RPSA2: variants seen among roughly 807,000 people sequenced by gnomAD.
The protein encoded by RPSA2 is small ribosomal subunit protein uS2B.
At chr19:23,805,502 A>G in the RPSA2 span, among the ~76,000 whole-genome samples, 1 of 152,122 alleles carries the variant, frequency 6.6e-6, no homozygotes, top group African/African-American at 2.4e-5. Flanking sequence ...TCTGTTATAA[A>G]GGACAGAAAT....
the RPSA2 span, among the ~76,000 whole-genome samples, chr19:23,867,380 A>G: frequency 6.6e-6 from 1 of 152,216 alleles, no homozygotes; most frequent in African/African-American, 2.4e-5. Flanking sequence ...TATGGGGTCG[A>G]GACTTACTTA....
At chr19:23,855,723 C>T in the RPSA2 span, among the ~76,000 whole-genome samples, 1 of 152,050 alleles carries the variant, frequency 6.6e-6, no homozygotes, top group South Asian at 2.1e-4. Flanking sequence ...TATTGGCGTC[C>T]ATGCATGAAG....
chr19:23,785,134 CTT>C, the RPSA2 span, among the ~76,000 whole-genome samples: 2 of 152,238 alleles, frequency 1.3e-5, no homozygotes, highest in African/African-American at 2.4e-5. Context: ...AGAAGTGACT[CTT>C]TTTCCAGCCT....
chr19:23,807,820 T>C, the RPSA2 span: 1 of 403,908 alleles, frequency 2.5e-6, no homozygotes, highest in South Asian at 2.2e-5. Flanking sequence ...TGTGTGTCTT[T>C]TCCAGGGACT....
the RPSA2 span, chr19:23,817,485 A>G: frequency 1.3e-5 from 2 of 152,252 alleles, no homozygotes; most frequent in Non-Finnish European, 2.9e-5. Context: ...TAAGGGTTTT[A>G]TGCATCATTA....
At chr19:23,761,613 T>C in the RPSA2 span, among the ~76,000 whole-genome samples, 55 of 152,184 alleles carry the variant, frequency 3.6e-4, 1 homozygote, top group East Asian at 0.011. Flanking sequence ...ATTAAGAAAT[T>C]CCTATATATC....
At chr19:23,833,280 CTT>C in the RPSA2 span, 31 of 808,556 alleles carry the variant, frequency 3.8e-5, no homozygotes, top group South Asian at 9.3e-4. Flanking sequence ...CATAAGATAA[CTT>C]ATATTGAAGA....
chr19:23,826,912 G>A, the RPSA2 span: 3,658 of 463,806 alleles, frequency 7.9e-3, 69 homozygotes, highest in Non-Finnish European at 0.01. Flanking sequence ...GGTTGATCTC[G>A]AACTCCTTAC....
At chr19:23,827,889 C>A in the RPSA2 span, 2 of 957,638 alleles carry the variant, frequency 2.1e-6, no homozygotes, top group Non-Finnish European at 3.3e-6. Flanking sequence ...GCTACTCAGC[C>A]TGAGGTTGCA....
the RPSA2 span, chr19:23,843,263 G>A: frequency 4.9e-6 from 1 of 205,858 alleles, no homozygotes; most frequent in Non-Finnish European, 1.0e-5. Flanking sequence ...TGAGACAGTG[G>A]TCAAATACTC....
the RPSA2 span, among the ~76,000 whole-genome samples, chr19:23,775,453 A>C: frequency 0.022 from 3,324 of 152,288 alleles, 129 homozygotes; most frequent in African/African-American, 0.076. Flanking sequence ...ATAGCAGCAG[A>C]AAAGTCTCCC....
the RPSA2 span, among the ~76,000 whole-genome samples, chr19:23,836,978 T>G: frequency 6.6e-6 from 1 of 152,200 alleles, no homozygotes; most frequent in Admixed American, 6.5e-5. Context: ...CCAAAGCTTT[T>G]TAGTTTAATT....
At chr19:23,834,151 A>G in the RPSA2 span, among the ~76,000 whole-genome samples, 2 of 152,092 alleles carry the variant, frequency 1.3e-5, no homozygotes, top group Admixed American at 1.3e-4. Flanking sequence ...TGCGTATAAA[A>G]AATAATACAA....
chr19:23,778,052 A>G, the RPSA2 span, among the ~76,000 whole-genome samples: 1 of 152,190 alleles, frequency 6.6e-6, no homozygotes, highest in Non-Finnish European at 1.5e-5. Context: ...CACTAGGCCC[A>G]TCAGCAAAGT....
At chr19:23,809,626 T>C in the RPSA2 span, 1 of 152,064 alleles carries the variant, frequency 6.6e-6, no homozygotes, top group African/African-American at 2.4e-5. Context: ...GTAAATAAGA[T>C]TTTTTTTCTC....
the RPSA2 span, among the ~76,000 whole-genome samples, chr19:23,785,121 A>T: frequency 6.6e-6 from 1 of 152,140 alleles, no homozygotes; most frequent in African/African-American, 2.4e-5. Context: ...TCTGCACCTC[A>T]AAAGAAGTGA....
At chr19:23,792,720 G>A in the RPSA2 span, among the ~76,000 whole-genome samples, 2 of 151,458 alleles carry the variant, frequency 1.3e-5, no homozygotes, top group East Asian at 2.0e-4. Flanking sequence ...TCACCATGTT[G>A]ATCAGGCTAG....
the RPSA2 span, among the ~76,000 whole-genome samples, chr19:23,868,085 C>T: frequency 2.6e-5 from 4 of 152,246 alleles, no homozygotes; most frequent in South Asian, 8.3e-4. Context: ...CAGAAGATGG[C>T]GACTGCTGCA....
At chr19:23,831,299 G>A in the RPSA2 span, among the ~76,000 whole-genome samples, 4 of 152,170 alleles carry the variant, frequency 2.6e-5, no homozygotes, top group African/African-American at 4.8e-5. Context: ...TACTTCTGAA[G>A]GTACTACGTT....
Sources: allele counts gnomAD v4.1 joint callset (sites outside exome capture counted in the v4.1 genomes callset), GRCh38; gene constraint gnomAD v4.1.1; transcripts MANE v1.5; gene names NCBI Gene and HGNC (gene_info 2026-07-23, HGNC 2026-07-21).